Variants in BBOX1 observed in about 807,000 individuals in gnomAD.
BBOX1 encodes the protein gamma-butyrobetaine hydroxylase 1, also known as gamma-butyrobetaine dioxygenase.
Under a neutral mutation model 41.6 loss-of-function variants are expected in BBOX1, and 35 were observed. That is an observed-to-expected ratio of 0.84 (90% CI 0.64 to 1.11). BBOX1 has a LOEUF of 1.11. Ranked by LOEUF, BBOX1 falls within the 50% of genes most tolerant of loss-of-function variation. BBOX1 has a pLI of 0.00. For missense variants in BBOX1, 458 were observed against 460.6 expected, an observed-to-expected ratio of 0.99 and a Z score of 0.05; for synonymous variants, 163 against 154.7, an observed-to-expected ratio of 1.05 and a Z score of -0.40.
At chr11:27,059,303 T>A (rs530212469) in intron 4 of BBOX1, among the ~76,000 whole-genome samples, 4 of 152,334 alleles carry the variant, frequency 2.6e-5, no homozygotes, top group African/African-American at 7.2e-5. Context: ...GAATGAGGCT[T>A]GATGTTCGCT....
intron 7 of BBOX1, among the ~76,000 whole-genome samples, chr11:27,122,229 T>A (rs1470270): frequency 0.32 from 48,350 of 151,938 alleles, 9,546 homozygotes; most frequent in African/African-American, 0.55. Flanking sequence ...ACAAGCAAAA[T>A]TAATGACGGT....
chr11:27,119,709 G>A lies in BBOX1; in HGVS notation c.700G>A (p.Gly234Arg). Residue 234 changes from glycine (G) to arginine (R), a missense_variant, in exon 7 of 9, where the codon GGG (glycine) becomes AGG (arginine). Coordinates refer to ENST00000263182, the MANE Select transcript of BBOX1 (RefSeq NM_003986.3). ...VTGGDSEIVD[G>R]FNVCQKLKKN... The stretch of plus-strand genomic sequence containing the variant: ...AGGGGGTGATTCAGAAATTGTAGAT[G>A]GGTTTAATGTGTGCCAAAAACTAAA... 6.3e-7 allele frequency: 1 copy of A among 1,582,798 alleles called. No homozygotes were observed. Among genetic ancestry groups the A allele is most frequent in the Non-Finnish European group, 8.6e-7 (1 of 1,167,342 alleles).
In BBOX1 at chr11:27,057,306, T is replaced by C. The variant is rs1378980428; in HGVS notation, c.325T>C (p.Phe109Leu). 1 of 1,608,948 alleles carries C rather than the reference T, an allele frequency of 6.2e-7. No individual in the cohort carries two copies. Among genetic ancestry groups the C allele is most frequent in the South Asian group, 1.1e-5 (1 of 89,928 alleles). The part of the protein sequence containing the change: ...QARAKLQREL[F>L]FPECQYWGSE... ...CAGAGCAAAGCTCCAAAGAGAATTG[T>C]TTTTTCCAGGTAACTTTGCCAAAGT... The change falls in exon 4 of 9, where the codon TTT becomes CTT. Residue 109 changes from phenylalanine (F) to leucine (L), a missense_variant. Transcript: ENST00000263182.
At chr11:27,100,110 C>T (rs1044758492) in intron 5 of BBOX1, among the ~76,000 whole-genome samples, 8 of 152,044 alleles carry the variant, frequency 5.3e-5, no homozygotes, top group East Asian at 1.9e-4. Flanking sequence ...GCATTTCACA[C>T]ATTAGATTGG....
At chr11:27,051,270 A>G (rs183296134) in intron 2 of BBOX1, among the ~76,000 whole-genome samples, 31 of 152,178 alleles carry the variant, frequency 2.0e-4, no homozygotes, top group Admixed American at 3.9e-4. Context: ...TATGTTTACC[A>G]GGAATATTGG....
chr11:27,105,280 C>A (rs2134071129), intron 5 of BBOX1, among the ~76,000 whole-genome samples: 1 of 152,236 alleles, frequency 6.6e-6, no homozygotes, highest in Non-Finnish European at 1.5e-5. Context: ...TTCAGACGAT[C>A]AAACTTCTCC....
At chr11:27,098,136 T>C (rs1223114433) in intron 5 of BBOX1, among the ~76,000 whole-genome samples, 1 of 152,002 alleles carries the variant, frequency 6.6e-6, no homozygotes, top group Non-Finnish European at 1.5e-5. Flanking sequence ...TGCCAAGTCT[T>C]CATGTCTTTT....
intron 4 of BBOX1, among the ~76,000 whole-genome samples, chr11:27,061,246 T>C (rs1357011407): frequency 6.6e-6 from 1 of 152,168 alleles, no homozygotes; most frequent in Non-Finnish European, 1.5e-5. Context: ...GCTTACATTT[T>C]TCAGTACTAT....
At chr11:27,078,839 T>G (rs1236911896) in intron 4 of BBOX1, among the ~76,000 whole-genome samples, 1 of 152,184 alleles carries the variant, frequency 6.6e-6, no homozygotes, top group Non-Finnish European at 1.5e-5. Context: ...CTTGACTTAG[T>G]TTCATAAATG....
At chr11:27,106,479 A>G (rs1858870472) in intron 5 of BBOX1, among the ~76,000 whole-genome samples, 1 of 152,220 alleles carries the variant, frequency 6.6e-6, no homozygotes, top group South Asian at 2.1e-4. Context: ...AGCAAAGATC[A>G]AAAGAGACAA....
intron 4 of BBOX1, among the ~76,000 whole-genome samples, chr11:27,061,284 T>A (rs1370991744): frequency 1.3e-5 from 2 of 152,206 alleles, no homozygotes; most frequent in African/African-American, 4.8e-5. Context: ...GAAATGATAC[T>A]ACACTCAATT....
At chr11:27,071,189 A>G (rs1355969294) in intron 4 of BBOX1, among the ~76,000 whole-genome samples, 1 of 152,034 alleles carries the variant, frequency 6.6e-6, no homozygotes, top group Non-Finnish European at 1.5e-5. Flanking sequence ...CCTGGCTAAC[A>G]CAGTGAAACC....
chr11:27,078,451 C>T (rs1857710818), intron 4 of BBOX1, among the ~76,000 whole-genome samples: 1 of 152,094 alleles, frequency 6.6e-6, no homozygotes, highest in Non-Finnish European at 1.5e-5. Context: ...AGGTATTTCT[C>T]CTAATGCTAT....
At chr11:27,088,259 G>T (rs985597) in intron 4 of BBOX1, among the ~76,000 whole-genome samples, 34,953 of 151,896 alleles carry the variant, frequency 0.23, 4,764 homozygotes, top group African/African-American at 0.35. Flanking sequence ...TTGTGAAAAT[G>T]ATTTTTCAAT....
At chr11:27,106,059 C>G (rs1407880720) in intron 5 of BBOX1, among the ~76,000 whole-genome samples, 1 of 152,026 alleles carries the variant, frequency 6.6e-6, no homozygotes, top group African/African-American at 2.4e-5. Context: ...TTTGTCACCA[C>G]CAGGCCTGCC....
intron 4 of BBOX1, among the ~76,000 whole-genome samples, chr11:27,061,755 T>A (rs567274911): frequency 1.3e-5 from 2 of 152,174 alleles, no homozygotes; most frequent in Middle Eastern, 3.4e-3. Flanking sequence ...AGACAAATGA[T>A]CATCATCCAA....
At chr11:27,089,112 T>G (rs770542302) in intron 4 of BBOX1, among the ~76,000 whole-genome samples, 1 of 151,944 alleles carries the variant, frequency 6.6e-6, no homozygotes, top group Admixed American at 6.6e-5. Flanking sequence ...AACCCAAGTC[T>G]CTTGCCTCCA....
At chr11:27,079,695 A>G (rs61311433) in intron 4 of BBOX1, among the ~76,000 whole-genome samples, 12,766 of 152,140 alleles carry the variant, frequency 0.084, 787 homozygotes, top group South Asian at 0.28. Flanking sequence ...GAAGTTATTT[A>G]CTTGAAACAA....
chr11:27,124,030 A>T (rs1176882006), intron 7 of BBOX1, among the ~76,000 whole-genome samples: 1 of 152,190 alleles, frequency 6.6e-6, no homozygotes, highest in Non-Finnish European at 1.5e-5. Context: ...GTTTACCATT[A>T]CAATTGCCGT....
Sources: allele counts gnomAD v4.1 joint callset (sites outside exome capture counted in the v4.1 genomes callset), GRCh38; gene constraint gnomAD v4.1.1; transcripts MANE v1.5; gene names NCBI Gene and HGNC (gene_info 2026-07-23, HGNC 2026-07-21).